Variants in SSU72L6 observed in about 807,000 individuals in gnomAD.
SSU72L6 encodes SSU72 like 6.
chr7:124,477,098 T>A, the SSU72L6 span: 6 of 592,828 alleles, frequency 1.0e-5, no homozygotes, highest in East Asian at 2.8e-5. Context: ...GGAAAGAGAC[T>A]ATTACCAAGA....
chr7:124,476,700 C>T, the SSU72L6 span: 14 of 780,548 alleles, frequency 1.8e-5, no homozygotes, highest in South Asian at 1.7e-4. Context: ...TCATCTTTAC[C>T]TGTGAGGAGC....
chr7:124,477,023 T>C, the SSU72L6 span: 1 of 636,114 alleles, frequency 1.6e-6, no homozygotes. Flanking sequence ...CCAGATTGAT[T>C]GTGAGAAGTA....
At chr7:124,476,775 C>T in the SSU72L6 span, 19 of 780,012 alleles carry the variant, frequency 2.4e-5, no homozygotes, top group South Asian at 9.4e-5. Flanking sequence ...AGCCTGTGCA[C>T]GTGATCAACA....
chr7:124,476,792 T>A, the SSU72L6 span: 1 of 779,098 alleles, frequency 1.3e-6, no homozygotes. Flanking sequence ...AACATGGACA[T>A]CAAAGATACC....
At chr7:124,476,640 A>C in the SSU72L6 span, 50 of 780,744 alleles carry the variant, frequency 6.4e-5, no homozygotes, top group East Asian at 4.6e-4. Context: ...GAAATGAGAG[A>C]ATCAAGCCTG....
chr7:124,477,241 T>A, the SSU72L6 span, among the ~76,000 whole-genome samples: 2 of 152,238 alleles, frequency 1.3e-5, no homozygotes, highest in African/African-American at 4.8e-5. Context: ...TATCCCACCA[T>A]GACTGCATTT....
the SSU72L6 span, chr7:124,476,332 G>A: frequency 1.4e-6 from 1 of 733,342 alleles, no homozygotes; most frequent in Middle Eastern, 3.9e-4. Context: ...TGCAGCAGCT[G>A]AGGTGCCTGT....
chr7:124,477,389 T>C, the SSU72L6 span, among the ~76,000 whole-genome samples: 4 of 152,048 alleles, frequency 2.6e-5, no homozygotes, highest in Admixed American at 2.6e-4. Context: ...GTTTTTTTTT[T>C]AATTTTTAAA....
the SSU72L6 span, chr7:124,476,906 TGGA>T: frequency 2.6e-6 from 2 of 764,288 alleles, no homozygotes; most frequent in Non-Finnish European, 4.8e-6. Context: ...CTGTTGCAAA[TGGA>T]GGAGAAGGCA....
chr7:124,476,703 T>G, the SSU72L6 span: 1 of 780,624 alleles, frequency 1.3e-6, no homozygotes, highest in South Asian at 1.3e-5. Context: ...TCTTTACCTG[T>G]GAGGAGCGTG....
chr7:124,477,141 G>A, the SSU72L6 span, among the ~76,000 whole-genome samples: 3 of 152,274 alleles, frequency 2.0e-5, no homozygotes, highest in East Asian at 1.9e-4. Context: ...AGGACTAACA[G>A]TTTTAAAAGC....
the SSU72L6 span, chr7:124,476,594 G>C: frequency 5.1e-6 from 4 of 780,700 alleles, no homozygotes; most frequent in Admixed American, 6.8e-5. Flanking sequence ...GATAGAGAAT[G>C]CTACACCCAC....
the SSU72L6 span, chr7:124,477,100 T>C: frequency 3.4e-6 from 2 of 593,028 alleles, no homozygotes; most frequent in Middle Eastern, 4.4e-4. Flanking sequence ...AAAGAGACTA[T>C]TACCAAGAAA....
chr7:124,476,471 G>T, the SSU72L6 span: 357 of 780,544 alleles, frequency 4.6e-4, no homozygotes, highest in Admixed American at 3.9e-4. Context: ...CTAAGTGTCC[G>T]GTCTTTCGGA....
the SSU72L6 span, chr7:124,477,018 T>C: frequency 1.2e-5 from 8 of 640,976 alleles, no homozygotes; most frequent in African/African-American, 3.6e-5. Flanking sequence ...TTAGTCCAGA[T>C]TGATTGTGAG....
chr7:124,477,381 T>G, the SSU72L6 span, among the ~76,000 whole-genome samples: 1 of 150,822 alleles, frequency 6.6e-6, no homozygotes, highest in Admixed American at 6.6e-5. Flanking sequence ...TTTGAGTGGT[T>G]TTTTTTTTAA....
chr7:124,476,836 T>G, the SSU72L6 span: 7 of 770,520 alleles, frequency 9.1e-6, no homozygotes, highest in Admixed American at 1.0e-4. Flanking sequence ...TTTCCTCATC[T>G]GTGAGATTTG....
the SSU72L6 span, among the ~76,000 whole-genome samples, chr7:124,477,397 A>T: frequency 6.6e-6 from 1 of 151,622 alleles, no homozygotes; most frequent in African/African-American, 2.4e-5. Context: ...TTTAATTTTT[A>T]AATTTTTTAA....
At chr7:124,476,480 G>C in the SSU72L6 span, 1 of 780,504 alleles carries the variant, frequency 1.3e-6, no homozygotes, top group African/African-American at 1.7e-5. Context: ...CGGTCTTTCG[G>C]AACTGAATCT....
Sources: gnomAD v4.1 joint callset for allele counts (sites outside exome capture counted in the v4.1 genomes callset) on GRCh38, gnomAD v4.1.1 for gene constraint, MANE v1.5 for transcripts, NCBI Gene and HGNC (gene_info 2026-07-23, HGNC 2026-07-21) for gene names.